Variants in MAGI2 observed in about 807,000 individuals in gnomAD.
The protein encoded by MAGI2 is membrane-associated guanylate kinase, WW and PDZ domain-containing protein 2.
Under a neutral mutation model 133.3 loss-of-function variants are expected in MAGI2, and 35 were observed. That is an observed-to-expected ratio of 0.26 (90% CI 0.20 to 0.35). The LOEUF is 0.35. Ranked by LOEUF, MAGI2 falls within the 10% of genes least tolerant of loss-of-function variation. The pLI is 1.00. For missense variants in MAGI2, 1,636 were observed against 1,863.4 expected, an observed-to-expected ratio of 0.88 and a Z score of 2.25; for synonymous variants, 729 against 710.6, an observed-to-expected ratio of 1.03 and a Z score of -0.41.
At chr7:78,536,322 C>T (rs10241589) in intron 3 of MAGI2, among the ~76,000 whole-genome samples, 5,284 of 150,984 alleles carry the variant, frequency 0.035, 309 homozygotes, top group African/African-American at 0.12. Context: ...CCGTTTTAGC[C>T]GGGATGGTCT....
At chr7:79,144,521 A>C (rs1342808755) in intron 1 of MAGI2, among the ~76,000 whole-genome samples, 1 of 152,200 alleles carries the variant, frequency 6.6e-6, no homozygotes, top group Non-Finnish European at 1.5e-5. Flanking sequence ...CTCCCCAGCC[A>C]TGCTATCTGT....
intron 3 of MAGI2, among the ~76,000 whole-genome samples, chr7:78,604,884 A>T (rs1248392672): frequency 1.3e-5 from 2 of 152,214 alleles, no homozygotes; most frequent in Non-Finnish European, 2.9e-5. Context: ...TCATGTAATT[A>T]TGAGTGTGGA....
In MAGI2 at chr7:79,339,464, GT is replaced by G. The variant is rs71095397; in HGVS notation, c.301+113555del. On this transcript the variant is annotated intron_variant, in intron 1 of 21. Transcript: ENST00000354212. The stretch of plus-strand genomic sequence containing the variant: ...TACAGGTTTGTTTGTTTTTGTTTTT[GT>G]TTTTTTTTTTTTTGAGGAATCACTA... Among the ~76,000 whole-genome samples, 1,018 of 134,518 alleles carry G rather than the reference GT, an allele frequency of 7.6e-3. 7 individuals carry two copies. The highest frequency in any genetic ancestry group is 0.01 in the Non-Finnish European group (637 of 60,944). The allele number at this position is 134,518 out of a possible 152,430, so 88.2% of individuals were successfully genotyped here.
intron 2 of MAGI2, among the ~76,000 whole-genome samples, chr7:78,775,944 G>C (rs971014546): frequency 6.6e-6 from 1 of 152,068 alleles, no homozygotes; most frequent in South Asian, 2.1e-4. Context: ...TTCTACTCTC[G>C]TGTGAACCTG....
At chr7:78,031,906 G>A (rs915983129) in intron 21 of MAGI2, among the ~76,000 whole-genome samples, 1 of 151,860 alleles carries the variant, frequency 6.6e-6, no homozygotes, top group Non-Finnish European at 1.5e-5. Context: ...CCGTTTATGT[G>A]CAGGGCTTGG....
At chr7:78,085,051 T>G (rs1816466976) in intron 20 of MAGI2, among the ~76,000 whole-genome samples, 1 of 152,188 alleles carries the variant, frequency 6.6e-6, no homozygotes, top group Non-Finnish European at 1.5e-5. Flanking sequence ...CTCAGTTGCC[T>G]CAGCAAGGCA....
At chr7:78,076,401 G>A (rs1191290279) in intron 21 of MAGI2, among the ~76,000 whole-genome samples, 1 of 145,830 alleles carries the variant, frequency 6.9e-6, no homozygotes, top group African/African-American at 2.6e-5. Context: ...AGAGGTTGCA[G>A]TGAACCAAGA....
At chr7:79,339,647 C>G (rs1035837547) in intron 1 of MAGI2, among the ~76,000 whole-genome samples, 1 of 152,028 alleles carries the variant, frequency 6.6e-6, no homozygotes, top group African/African-American at 2.4e-5. Flanking sequence ...CAGCCATTTG[C>G]GAAAGTTTTC....
chr7:78,654,719 A>G (rs373214539), intron 2 of MAGI2, among the ~76,000 whole-genome samples: 7,305 of 53,300 alleles, frequency 0.14, 320 homozygotes, highest in African/African-American at 0.16. Context: ...ATATATATAT[A>G]TATATATATA....
chr7:78,405,776 C>T (rs991031809), intron 6 of MAGI2, among the ~76,000 whole-genome samples: 11 of 151,916 alleles, frequency 7.2e-5, no homozygotes, highest in African/African-American at 2.7e-4. Flanking sequence ...TGTGAATAAA[C>T]CTTACACATG....
At chr7:78,426,126 C>T (rs1799253543) in intron 6 of MAGI2, among the ~76,000 whole-genome samples, 1 of 151,812 alleles carries the variant, frequency 6.6e-6, no homozygotes, top group Non-Finnish European at 1.5e-5. Flanking sequence ...CACAGAAGAG[C>T]AACAGAAGTT....
At chr7:78,122,804 G>A (rs1478311055) in intron 20 of MAGI2, among the ~76,000 whole-genome samples, 2 of 151,914 alleles carry the variant, frequency 1.3e-5, no homozygotes, top group South Asian at 2.1e-4. Flanking sequence ...TACATTCCCT[G>A]TTTTACTGAG....
intron 1 of MAGI2, among the ~76,000 whole-genome samples, chr7:79,238,626 G>T (rs536664404): frequency 2.6e-5 from 4 of 152,260 alleles, no homozygotes; most frequent in Admixed American, 2.0e-4. Flanking sequence ...ACTGCAGTCA[G>T]TACATATGAA....
rs530572882 is a variant in MAGI2 at position 78,181,643 on chromosome 7, A to T, written c.2312-3541T>A. Among the ~76,000 whole-genome samples the T allele has an allele frequency of 2.0e-5, 3 of 152,282 alleles. No homozygotes were observed. The East Asian group carries it at 5.8e-4, about 29-fold the overall frequency. ...GCATTATGGAACAAAGCATCTCATG[A>T]TCCTCTTCCTAGATGGAATTTTACA... On this transcript the variant is annotated intron_variant, in intron 13 of 21. Coordinates refer to ENST00000354212, the MANE Select transcript of MAGI2 (RefSeq NM_012301.4).
chr7:78,865,226 T>G (rs1197037869), intron 2 of MAGI2, among the ~76,000 whole-genome samples: 1 of 152,152 alleles, frequency 6.6e-6, no homozygotes, highest in Admixed American at 6.6e-5. Context: ...ATATTGGGTT[T>G]GAAAAATTGG....
At chr7:78,722,075 G>GA (rs1820325609) in intron 2 of MAGI2, among the ~76,000 whole-genome samples, 2 of 150,950 alleles carry the variant, frequency 1.3e-5, no homozygotes, top group Admixed American at 1.3e-4. Context: ...ACCCATAAAA[G>GA]GTATGACTCT....
At chr7:78,413,974 A>G (rs17150687) in intron 6 of MAGI2, among the ~76,000 whole-genome samples, 3,564 of 152,212 alleles carry the variant, frequency 0.023, 136 homozygotes, top group African/African-American at 0.08. Flanking sequence ...TAGTAAATTC[A>G]TAATGGCAGA....
chr7:78,272,515 G>T (rs1014430986), intron 9 of MAGI2, among the ~76,000 whole-genome samples: 2 of 152,044 alleles, frequency 1.3e-5, no homozygotes, highest in African/African-American at 4.8e-5. Context: ...CTGTCTTGTT[G>T]GTCTGTCTAA....
intron 1 of MAGI2, among the ~76,000 whole-genome samples, chr7:79,123,700 C>T (rs1288446242): frequency 6.8e-6 from 1 of 148,032 alleles, no homozygotes; most frequent in African/African-American, 2.5e-5. Flanking sequence ...GCAGGAGAAT[C>T]GCTTGAACCC....
Sources: allele counts gnomAD v4.1 joint callset (sites outside exome capture counted in the v4.1 genomes callset), GRCh38; gene constraint gnomAD v4.1.1; transcripts MANE v1.5; gene names NCBI Gene and HGNC (gene_info 2026-07-23, HGNC 2026-07-21).